The following HDHD5 variants were observed in gnomAD, a reference collection of about 807,000 sequenced individuals.
The protein encoded by HDHD5 is haloacid dehalogenase like hydrolase domain containing 5, also known as haloacid dehalogenase-like hydrolase domain-containing 5.
HDHD5 carries 34 observed loss-of-function variants against 35.5 expected under a neutral mutation model. That is an observed-to-expected ratio of 0.96 (90% CI 0.73 to 1.28). The LOEUF (loss-of-function observed/expected upper bound fraction) is 1.28, where lower values mean the gene tolerates loss of function less well. Among genes scored for constraint, HDHD5 ranks in the 50% most tolerant of loss-of-function variants. The pLI, the probability that HDHD5 is intolerant of heterozygous loss-of-function variation, is 0.00. For missense variants in HDHD5, 589 were observed against 560.2 expected (o/e 1.05, Z -0.52); for synonymous variants, 248 against 240.6 (o/e 1.03, Z -0.29).
rs1489218926 is a variant in HDHD5 at position 17,148,474 on chromosome 22, C to T, written c.417G>A (p.Gln139=). Residue 139 remains glutamine (Q), a synonymous_variant, in exon 3 of 8, where the codon CAG becomes CAA. Transcript: ENST00000336737. ...CCTGGGCATTTTCCATCACGGGCCC[C>T]TGTCCAGACACCAGCATCCGCTTCT... ...YHEKRMLVSG[Q]GPVMENAQGL... The T allele has an allele frequency of 1.2e-6, 2 of 1,614,162 alleles. No homozygotes were observed. Among genetic ancestry groups the T allele is most frequent in the Non-Finnish European group, 1.7e-6 (2 of 1,179,986 alleles).
intron 6 of HDHD5, among the ~76,000 whole-genome samples, chr22:17,140,591 AAAAAC>A (rs2061588811): frequency 6.6e-6 from 1 of 152,138 alleles, no homozygotes; most frequent in Non-Finnish European, 1.5e-5. Context: ...TCCCCGCAAA[AAAAAC>A]AAAACAAACA....
upstream of HDHD5, among the ~76,000 whole-genome samples, chr22:17,163,712 A>T (rs781707792): frequency 6.6e-6 from 1 of 152,140 alleles, no homozygotes; most frequent in Non-Finnish European, 1.5e-5. Context: ...ACCCCATAAA[A>T]CAGCAGCCAT....
intron 4 of HDHD5, among the ~76,000 whole-genome samples, chr22:17,144,238 G>A (rs1348224055): frequency 6.6e-6 from 1 of 151,944 alleles, no homozygotes; most frequent in Non-Finnish European, 1.5e-5. Context: ...GCATAAAGCC[G>A]TTCGCTTCTC....
chr22:17,158,289 C>G (rs2061823248), intron 1 of HDHD5, among the ~76,000 whole-genome samples: 2 of 151,956 alleles, frequency 1.3e-5, no homozygotes, highest in Admixed American at 1.3e-4. Flanking sequence ...CCACTGCACT[C>G]CAACCTGGTG....
At chr22:17,164,892 G>A (rs981521631) in intron 1 of HDHD5, among the ~76,000 whole-genome samples, 5 of 152,252 alleles carry the variant, frequency 3.3e-5, no homozygotes, top group African/African-American at 1.2e-4. Flanking sequence ...AGGAATGGCA[G>A]GGAAGCTGTG....
intron 1 of HDHD5, 133 bp from the exon 2 acceptor site, chr22:17,149,878 A>C: frequency 1.5e-6 from 1 of 674,890 alleles, no homozygotes; most frequent in Non-Finnish European, 2.5e-6. Flanking sequence ...AAAAATGAAG[A>C]TGGGATTCTG....
chr22:17,161,934 G>A (rs891152848), upstream of HDHD5, among the ~76,000 whole-genome samples: 1 of 151,718 alleles, frequency 6.6e-6, no homozygotes, highest in Non-Finnish European at 1.5e-5. Context: ...CCCATTGAGT[G>A]TGGGCTGGAC....
At position 17,153,319 on chromosome 22, in the gene HDHD5, C is replaced by T. The variant is rs532952150; in HGVS notation, c.127-3574G>A. The stretch of plus-strand genomic sequence containing the variant: ...TAAGGCATCAACCTCAAAAAGAACT[C>T]AGCAAGGGTCACCCAGTTCACAAGT... On this transcript the variant is annotated intron_variant, in intron 1 of 7. Coordinates refer to ENST00000336737, the MANE Select transcript of HDHD5 (RefSeq NM_033070.3). 2.0e-5 allele frequency among the ~76,000 whole-genome samples: 3 copies of T among 152,192 alleles called. No individual in the cohort carries two copies. In the South Asian group the frequency reaches 6.2e-4, roughly 32 times the overall value.
upstream of HDHD5, among the ~76,000 whole-genome samples, chr22:17,164,094 A>T (rs2123888290): frequency 6.6e-6 from 1 of 152,278 alleles, no homozygotes; most frequent in South Asian, 2.1e-4. Flanking sequence ...GGTGGCACGC[A>T]TCTGTAATCC....
intron 5 of HDHD5, chr22:17,142,770 G>A: frequency 3.8e-6 from 1 of 262,694 alleles, no homozygotes; most frequent in Middle Eastern, 1.1e-3. Flanking sequence ...GGATAATAAA[G>A]GGGATATTCC....
intron 3 of HDHD5, among the ~76,000 whole-genome samples, chr22:17,147,603 C>A (rs1367335913): frequency 2.5e-4 from 27 of 109,876 alleles, no homozygotes; most frequent in South Asian, 9.4e-4. Flanking sequence ...CCTGTGGCGC[C>A]CTCCTGTGAG....
At chr22:17,152,917 T>A (rs1273881056) in intron 1 of HDHD5, among the ~76,000 whole-genome samples, 1 of 151,498 alleles carries the variant, frequency 6.6e-6, no homozygotes, top group African/African-American at 2.4e-5. Flanking sequence ...GCTTGGACAA[T>A]GACAGCTACA....
chr22:17,149,478 C>T, intron 2 of HDHD5, 64 bp downstream of exon 2: 1 of 1,504,158 alleles, frequency 6.6e-7, no homozygotes, highest in Non-Finnish European at 9.1e-7. Flanking sequence ...GGACTTGGAG[C>T]TGGGGCAGCG....
intron 6 of HDHD5, among the ~76,000 whole-genome samples, chr22:17,140,080 A>G (rs1016572539): frequency 2.3e-4 from 35 of 152,118 alleles, no homozygotes; most frequent in African/African-American, 8.4e-4. Flanking sequence ...AAGTGACAAG[A>G]GCATACCATA....
Position 17,137,964 on chromosome 22 carries a change from G to A in HDHD5, c.*57C>T, listed in dbSNP as rs939360781. The A allele has an allele frequency of 1.4e-4, 201 of 1,461,866 alleles. No individual in the cohort carries two copies. Among genetic ancestry groups the A allele is most frequent in the Non-Finnish European group, 1.9e-4 (198 of 1,067,280 alleles). 90.6% of individuals were successfully genotyped at this position (1,461,866 alleles called of 1,614,324 possible). A position where few individuals can be genotyped will look rare whatever the true frequency, so the allele number is the denominator to read the frequency against. On this transcript the variant is annotated 3_prime_UTR_variant, in exon 8 of 8. Coordinates refer to ENST00000336737, the MANE Select transcript of HDHD5 (RefSeq NM_033070.3). ...AGCCCAGTGATCAGGCCAGAGCCCAGCCAATGGGACTCGCCCACAGGTCCA... is the reference window on the plus strand; with the variant it reads ...AGCCCAGTGATCAGGCCAGAGCCCAACCAATGGGACTCGCCCACAGGTCCA...
intron 1 of HDHD5, among the ~76,000 whole-genome samples, chr22:17,153,128 A>C (rs1033168504): frequency 3.3e-5 from 5 of 152,324 alleles, no homozygotes; most frequent in South Asian, 2.1e-4. Context: ...CAGACCTGTC[A>C]CTGTCCCAAG....
intron 1 of HDHD5, among the ~76,000 whole-genome samples, chr22:17,154,002 C>A (rs1323456323): frequency 1.3e-5 from 2 of 151,788 alleles, no homozygotes; most frequent in Admixed American, 6.6e-5. Context: ...ACTATAGGTG[C>A]GCACCACCAA....
At chr22:17,159,779 G>T (rs2061849336), upstream of HDHD5, 1 of 284,810 alleles carries the variant, frequency 3.5e-6, no homozygotes, top group Non-Finnish European at 6.8e-6. Flanking sequence ...GGGAGACTGC[G>T]CACGTGAGTC....
At chr22:17,150,474 T>C (rs1279144247) in intron 1 of HDHD5, among the ~76,000 whole-genome samples, 1 of 152,148 alleles carries the variant, frequency 6.6e-6, no homozygotes, top group Admixed American at 6.6e-5. Flanking sequence ...TAGAATCATG[T>C]TGACTTTGTT....
Sources: allele counts gnomAD v4.1 joint callset (sites outside exome capture counted in the v4.1 genomes callset), GRCh38; gene constraint gnomAD v4.1.1; transcripts MANE v1.5; gene names NCBI Gene and HGNC (gene_info 2026-07-23, HGNC 2026-07-21).